Variants in SLC25A26 observed in about 807,000 individuals in gnomAD.
SLC25A26 encodes mitochondrial S-adenosylmethionine carrier protein.
A neutral mutation model predicts 37.8 loss-of-function variants in SLC25A26; 36 were observed. The ratio of observed to expected loss-of-function variants is 0.95; its 90% CI spans 0.73 to 1.26. SLC25A26 has a LOEUF of 1.26. Ranked by LOEUF, SLC25A26 falls within the 50% of genes most tolerant of loss-of-function variation. SLC25A26 has a pLI of 0.00. For missense variants in SLC25A26, 390 were observed against 331.1 expected, an observed-to-expected ratio of 1.18 and a Z score of -1.38; for synonymous variants, 129 against 122.5, an observed-to-expected ratio of 1.05 and a Z score of -0.35.
chr3:66,326,152 G>A (rs916144876), intron 5 of SLC25A26, among the ~76,000 whole-genome samples: 1 of 152,198 alleles, frequency 6.6e-6, no homozygotes, highest in African/African-American at 2.4e-5. Context: ...GAACCCAGGA[G>A]AAGGATAGGC....
Position 66,371,037 on chromosome 3 carries a change from G to C in SLC25A26, c.707+435G>C, listed in dbSNP as rs77876282. On this transcript the variant is annotated intron_variant, in intron 9 of 9. Coordinates refer to ENST00000354883, the MANE Select transcript of SLC25A26 (RefSeq NM_001379210.1). ...TGCAGGTGGGATGACTCCACTATTA[G>C]CATCAATTGAGAACCATTGTGCTAC... 5.3e-5 allele frequency among the ~76,000 whole-genome samples: 8 copies of C among 152,312 alleles called. No individual in the cohort carries two copies. In the East Asian group the frequency reaches 1.4e-3, roughly 26 times the overall value.
intron 1 of SLC25A26, among the ~76,000 whole-genome samples, chr3:66,229,707 T>G (rs1159502841): frequency 1.3e-5 from 2 of 152,214 alleles, no homozygotes; most frequent in Non-Finnish European, 1.5e-5. Flanking sequence ...GAGAACAGAC[T>G]AATACAAAGA....
chr3:66,178,787 C>T (rs143190803), intron 1 of SLC25A26, among the ~76,000 whole-genome samples: 5,041 of 152,096 alleles, frequency 0.033, 277 homozygotes, highest in African/African-American at 0.11. Flanking sequence ...CAGCAAGTAA[C>T]ATAGAAAGAA....
At chr3:66,357,531 T>G (rs1182158424) in intron 6 of SLC25A26, among the ~76,000 whole-genome samples, 1 of 152,192 alleles carries the variant, frequency 6.6e-6, no homozygotes, top group African/African-American at 2.4e-5. Flanking sequence ...TATTTTGGTA[T>G]ACAGCCTCCT....
intron 5 of SLC25A26, among the ~76,000 whole-genome samples, chr3:66,316,924 G>C (rs1409523472): frequency 3.3e-5 from 5 of 152,064 alleles, no homozygotes; most frequent in Non-Finnish European, 7.4e-5. Context: ...GCATTGTGAA[G>C]GTCTCATGTT....
chr3:66,170,418 C>A (rs1483476155), intron 1 of SLC25A26, among the ~76,000 whole-genome samples: 2 of 152,280 alleles, frequency 1.3e-5, no homozygotes, highest in African/African-American at 4.8e-5. Context: ...GCACAGGACA[C>A]TAATGCTCAC....
In SLC25A26 at chr3:66,369,369, CCAGGTGTA is replaced by C. The variant is rs11277069; in HGVS notation, c.569-106_569-99del. On this transcript the variant is annotated intron_variant, in intron 7 of 9. Coordinates refer to ENST00000354883, the MANE Select transcript of SLC25A26 (RefSeq NM_001379210.1). ...TGTGTGCATCCTGTTCTTCAATCAG[CCAGGTGTA>C]CATAATGACGAAGTGATTTGGGCAG... 0.17 allele frequency: 147,075 copies of C among 872,884 alleles called. 12,831 individuals carry two copies. The highest frequency in any genetic ancestry group is 0.2 in the Non-Finnish European group (109,128 of 540,000). 54.1% of individuals were successfully genotyped at this position (872,884 alleles called of 1,614,324 possible). A position where few individuals can be genotyped will look rare whatever the true frequency, so the allele number is the denominator to read the frequency against.
At chr3:66,289,091 T>G (rs1051121908) in intron 5 of SLC25A26, among the ~76,000 whole-genome samples, 3 of 152,236 alleles carry the variant, frequency 2.0e-5, no homozygotes, top group Non-Finnish European at 2.9e-5. Flanking sequence ...TGATGAGCAT[T>G]TTTTCATATG....
At chr3:66,230,829 A>AC (rs1471073954) in intron 1 of SLC25A26, among the ~76,000 whole-genome samples, 10 of 147,084 alleles carry the variant, frequency 6.8e-5, no homozygotes, top group Admixed American at 1.4e-4. Context: ...ACAAAAAAAA[A>AC]CCAGAATTTT....
chr3:66,342,223 A>G (rs933310730), intron 5 of SLC25A26, among the ~76,000 whole-genome samples: 5 of 152,298 alleles, frequency 3.3e-5, no homozygotes, highest in African/African-American at 1.2e-4. Flanking sequence ...CTGTTCTTCA[A>G]CTAGAGGTCT....
chr3:66,253,544 G>A (rs1291186777), intron 3 of SLC25A26, among the ~76,000 whole-genome samples: 1 of 152,086 alleles, frequency 6.6e-6, no homozygotes, highest in East Asian at 1.9e-4. Flanking sequence ...GATAGAGCGA[G>A]GGGCCACAAA....
intron 5 of SLC25A26, among the ~76,000 whole-genome samples, chr3:66,338,937 C>G (rs1023364045): frequency 1.5e-4 from 23 of 151,968 alleles, no homozygotes; most frequent in South Asian, 2.1e-4. Flanking sequence ...GAATAATACT[C>G]CATCCCGTTG....
rs1168241867 is a variant in SLC25A26, at chr3:66,369,539, A to G, written c.630A>G (p.Ala210=). 5 of 1,594,952 alleles carry G rather than the reference A, an allele frequency of 3.1e-6. No individual in the cohort carries two copies. In the South Asian group the frequency reaches 5.7e-5, roughly 18 times the overall value. ...TGGCAAAGACAAGAATTACGCTGGC[A>G]AAGGTAAGTGGTGAAATAATGTAAT... The part of the protein sequence containing the change: ...LDVAKTRITL[A]KAGSSTADGN... Residue 210 remains alanine, a synonymous_variant, in exon 8 of 10, where the codon GCA becomes GCG. Transcript: ENST00000354883.
At chr3:66,223,239 A>G (rs552922448) in intron 1 of SLC25A26, among the ~76,000 whole-genome samples, 1 of 152,360 alleles carries the variant, frequency 6.6e-6, no homozygotes, top group South Asian at 2.1e-4. Flanking sequence ...CATTTCAGCT[A>G]AGACCTAAAA....
intron 1 of SLC25A26, among the ~76,000 whole-genome samples, chr3:66,191,994 C>A (rs2070951818): frequency 6.6e-6 from 1 of 151,774 alleles, no homozygotes; most frequent in Non-Finnish European, 1.5e-5. Flanking sequence ...GTGGAGCCTT[C>A]CTGAATGGGT....
At chr3:66,314,071 G>A (rs2075461521) in intron 5 of SLC25A26, among the ~76,000 whole-genome samples, 2 of 152,178 alleles carry the variant, frequency 1.3e-5, no homozygotes, top group Admixed American at 6.5e-5. Flanking sequence ...TGCAAACAGA[G>A]ACAATTTGAC....
At chr3:66,212,094 T>C (rs1386195892) in intron 1 of SLC25A26, among the ~76,000 whole-genome samples, 1 of 152,192 alleles carries the variant, frequency 6.6e-6, no homozygotes, top group Non-Finnish European at 1.5e-5. Flanking sequence ...TGTTACAGTA[T>C]ATTGTTATGA....
intron 3 of SLC25A26, among the ~76,000 whole-genome samples, chr3:66,249,214 A>ATGAGTTGGAACCTCAG (rs11270914): frequency 0.48 from 72,463 of 151,880 alleles, 19,311 homozygotes; most frequent in African/African-American, 0.72. Context: ...TGGAGTTAGA[A>ATGAGTTGGAACCTCAG]TGAGGTTTTC....
chr3:66,304,920 A>G (rs1227669968), intron 5 of SLC25A26, among the ~76,000 whole-genome samples: 8 of 152,194 alleles, frequency 5.3e-5, no homozygotes, highest in Non-Finnish European at 1.0e-4. Context: ...ATTTTACCCC[A>G]TAATGTTAAG....
Sources: allele counts gnomAD v4.1 joint callset (sites outside exome capture counted in the v4.1 genomes callset), GRCh38; gene constraint gnomAD v4.1.1; transcripts MANE v1.5; gene names NCBI Gene and HGNC (gene_info 2026-07-23, HGNC 2026-07-21).